Variants in CIMIP4 observed in about 807,000 individuals in gnomAD.
CIMIP4 encodes ciliary microtubule inner protein 4, also known as protein EAN57.
At chr22:37,004,094 G>A in the CIMIP4 span, 2 of 1,429,412 alleles carry the variant, frequency 1.4e-6, no homozygotes, top group Non-Finnish European at 9.5e-7. Context: ...AGGATGAGCT[G>A]GGAGCTGAAC....
chr22:36,995,470 G>T, the CIMIP4 span, among the ~76,000 whole-genome samples: 1 of 152,072 alleles, frequency 6.6e-6, no homozygotes, highest in African/African-American at 2.4e-5. Flanking sequence ...ATACACAAAG[G>T]GCCACTCACC....
At chr22:37,001,909 G>A in the CIMIP4 span, 73 of 1,613,194 alleles carry the variant, frequency 4.5e-5, no homozygotes, top group Non-Finnish European at 4.7e-5. Context: ...GAATGATGCT[G>A]CCCTTCTGGT....
chr22:36,991,602 C>T, the CIMIP4 span: 1 of 1,613,324 alleles, frequency 6.2e-7, no homozygotes, highest in Non-Finnish European at 8.5e-7. Context: ...CTGTAGAATA[C>T]CATGAAGAAA....
At chr22:36,992,076 C>T in the CIMIP4 span, among the ~76,000 whole-genome samples, 6 of 152,222 alleles carry the variant, frequency 3.9e-5, 1 homozygote, top group Non-Finnish European at 1.5e-5. Flanking sequence ...AGGCCGGGGG[C>T]AGTGGCTCAC....
chr22:36,995,049 G>T, the CIMIP4 span, among the ~76,000 whole-genome samples: 1 of 152,178 alleles, frequency 6.6e-6, no homozygotes, highest in South Asian at 2.1e-4. Flanking sequence ...GTTCTCCAAT[G>T]ACAGTCACAT....
chr22:36,999,043 C>A, the CIMIP4 span, among the ~76,000 whole-genome samples: 1 of 152,002 alleles, frequency 6.6e-6, no homozygotes, highest in African/African-American at 2.4e-5. Flanking sequence ...CTGAGCTGAG[C>A]TTTGAACCAA....
the CIMIP4 span, among the ~76,000 whole-genome samples, chr22:36,997,813 G>T: frequency 6.6e-6 from 1 of 152,172 alleles, no homozygotes; most frequent in Non-Finnish European, 1.5e-5. Flanking sequence ...GATGTCTTCT[G>T]CCTCACTCCT....
chr22:36,999,813 G>A, the CIMIP4 span: 23 of 1,600,512 alleles, frequency 1.4e-5, no homozygotes, highest in South Asian at 6.8e-5. Flanking sequence ...GGGTGTTCAC[G>A]GCCCCACCCT....
the CIMIP4 span, chr22:37,002,304 C>T: frequency 7.2e-7 from 1 of 1,392,708 alleles, no homozygotes. Flanking sequence ...GTGGTTGTAC[C>T]TGAGCAGGAC....
At chr22:36,999,485 G>A in the CIMIP4 span, among the ~76,000 whole-genome samples, 2 of 132,206 alleles carry the variant, frequency 1.5e-5, no homozygotes, top group Non-Finnish European at 3.2e-5. Context: ...AACAGAGTGA[G>A]ACTTCAAAAA....
At chr22:37,001,733 G>T in the CIMIP4 span, 1 of 1,200,970 alleles carries the variant, frequency 8.3e-7, no homozygotes. Context: ...AGGAGATACT[G>T]CTTTCTAGTG....
the CIMIP4 span, among the ~76,000 whole-genome samples, chr22:36,999,002 C>A: frequency 1.3e-5 from 2 of 152,116 alleles, no homozygotes; most frequent in Admixed American, 6.5e-5. Context: ...GTTGAGGATC[C>A]CACCTAAGGT....
the CIMIP4 span, among the ~76,000 whole-genome samples, chr22:37,002,528 C>G: frequency 6.6e-6 from 1 of 151,950 alleles, no homozygotes; most frequent in East Asian, 1.9e-4. Flanking sequence ...GAGAGGCCAG[C>G]CTGCGTGCCT....
the CIMIP4 span, chr22:37,001,752 A>G: frequency 1.5e-6 from 2 of 1,334,302 alleles, no homozygotes; most frequent in South Asian, 1.5e-5. Flanking sequence ...TGGTATTATT[A>G]TAGGGACTCT....
chr22:37,005,991 G>C, the CIMIP4 span, among the ~76,000 whole-genome samples: 2 of 152,264 alleles, frequency 1.3e-5, no homozygotes, highest in East Asian at 3.9e-4. Context: ...CAAAGGATGA[G>C]GGTATTACTC....
At chr22:37,004,038 C>T in the CIMIP4 span, 1 of 1,541,350 alleles carries the variant, frequency 6.5e-7, no homozygotes, top group East Asian at 2.5e-5. Flanking sequence ...GTAAACAAAG[C>T]ACCACGTTTC....
the CIMIP4 span, among the ~76,000 whole-genome samples, chr22:37,003,763 T>C: frequency 6.6e-6 from 1 of 152,160 alleles, no homozygotes; most frequent in Non-Finnish European, 1.5e-5. Context: ...CATGGCAGGA[T>C]GGGAGGGCTC....
the CIMIP4 span, among the ~76,000 whole-genome samples, chr22:36,998,317 C>G: frequency 6.6e-6 from 1 of 152,096 alleles, no homozygotes. Flanking sequence ...TCTCCAAGCT[C>G]AGAGAAAACT....
At chr22:36,999,609 G>T in the CIMIP4 span, among the ~76,000 whole-genome samples, 32 of 139,900 alleles carry the variant, frequency 2.3e-4, no homozygotes, top group Non-Finnish European at 4.2e-4. Flanking sequence ...AGGGACCAGA[G>T]GTGCCTGACT....
Sources: allele counts gnomAD v4.1 joint callset (sites outside exome capture counted in the v4.1 genomes callset), GRCh38; gene constraint gnomAD v4.1.1; transcripts MANE v1.5; gene names NCBI Gene and HGNC (gene_info 2026-07-23, HGNC 2026-07-21).